Variants in WDR43 observed in about 807,000 individuals in gnomAD.
The protein encoded by WDR43 is WD repeat-containing protein 43.
Under a neutral mutation model 91.4 loss-of-function variants are expected in WDR43, and 13 were observed. The observed-to-expected ratio is 0.14, with a 90% CI of 0.09 to 0.23. The LOEUF (loss-of-function observed/expected upper bound fraction) is 0.23. Ranked by LOEUF, WDR43 falls within the 10% of genes least tolerant of loss-of-function variation. WDR43 has a pLI of 1.00. For missense variants in WDR43, 780 were observed against 809.4 expected (o/e 0.96, Z 0.44); for synonymous variants, 331 against 287.9 (o/e 1.15, Z -1.51).
At chr2:28,938,473 A>G (rs1671376594) in intron 14 of WDR43, among the ~76,000 whole-genome samples, 1 of 141,816 alleles carries the variant, frequency 7.1e-6, no homozygotes, top group Non-Finnish European at 1.5e-5. Flanking sequence ...GAAGAGGGAA[A>G]GCAACACCAG....
At chr2:28,934,006 T>G (rs968260593) in intron 11 of WDR43, among the ~76,000 whole-genome samples, 1 of 152,188 alleles carries the variant, frequency 6.6e-6, no homozygotes, top group Non-Finnish European at 1.5e-5. Flanking sequence ...ATAACACACA[T>G]ACGTTCATAC....
At chr2:28,922,735 A>T (rs1671056588) in intron 6 of WDR43, among the ~76,000 whole-genome samples, 184 bp from the exon 7 acceptor site, 1 of 151,270 alleles carries the variant, frequency 6.6e-6, no homozygotes, top group African/African-American at 2.4e-5. Context: ...TAGAATCTTG[A>T]CAACACCACC....
At chr2:28,917,337 A>T (rs185267861) in intron 5 of WDR43, among the ~76,000 whole-genome samples, 98 of 152,312 alleles carry the variant, frequency 6.4e-4, no homozygotes, top group African/African-American at 2.3e-3. Context: ...AATCAACTGC[A>T]TATGTGTGTA....
Position 28,924,997 on chromosome 2 carries a change from T to G in WDR43, c.930T>G (p.Pro310=), listed in dbSNP as rs762739625. The G allele has an allele frequency of 1.2e-6, 2 of 1,610,312 alleles. No individual in the cohort carries two copies. The highest frequency in any genetic ancestry group is 2.7e-5 in the African/African-American group (2 of 74,658). The change falls in exon 8 of 18, where the codon CCT becomes CCG. Residue 310 remains proline (P), a synonymous_variant. Transcript: ENST00000407426. Reference sequence around the variant, plus strand: ...CCATTTCCAGGTACTGCAAAAAGCCTTTGACTTCAAACTGCACAATTCAGA... The same window carrying G: ...CCATTTCCAGGTACTGCAAAAAGCCGTTGACTTCAAACTGCACAATTCAGA... ...EHILNGYCKK[P]LTSNCTIQIA...
chr2:28,900,719 C>T (rs114302776), intron 1 of WDR43, among the ~76,000 whole-genome samples: 153 of 152,308 alleles, frequency 1.0e-3, no homozygotes, highest in Non-Finnish European at 1.7e-3. Flanking sequence ...ATGAGACCAT[C>T]AGACTTTGTA....
rs1572596988 is a variant in WDR43, at chr2:28,927,861, T to A, written c.1305+161T>A. 7 of 1,044,032 alleles carry A rather than the reference T, an allele frequency of 6.7e-6. No individual in the cohort carries two copies. In the East Asian group the frequency reaches 1.9e-4, roughly 29 times the overall value. 64.7% of individuals were successfully genotyped at this position (1,044,032 alleles called of 1,614,324 possible). A position where few individuals can be genotyped will look rare whatever the true frequency, so the allele number is the denominator to read the frequency against. On this transcript the variant is annotated intron_variant, in intron 10 of 17. Transcript: ENST00000407426. ...TCTTCACCATCATAGATTTCATAAT[T>A]CTAGATTGTCATCTTTGTTTAACAG... is the stretch of plus-strand genomic sequence containing the variant.
Position 28,907,468 on chromosome 2 carries a change from A to AAG in WDR43, c.485+887_485+888insAG, listed in dbSNP as rs34947681. On this transcript the variant is annotated intron_variant, in intron 3 of 17. Transcript: ENST00000407426. Reference sequence around the variant, plus strand: ...TTACAAAAAAAAAAAAAAAAAAAAAATTGGGTGTGGTGGCATGCATGGCCT... The same window carrying AAG: ...TTACAAAAAAAAAAAAAAAAAAAAAAAGTTGGGTGTGGTGGCATGCATGGCCT... Among the ~76,000 whole-genome samples, 874 of 120,258 alleles carry AAG rather than the reference A, an allele frequency of 7.3e-3. 74 individuals carry two copies. The highest frequency in any genetic ancestry group is 0.023 in the East Asian group (97 of 4,186). The allele number at this position is 120,258 out of a possible 152,430, so 78.9% of individuals were successfully genotyped here. A position where few individuals can be genotyped will look rare whatever the true frequency, so the allele number is the denominator to read the frequency against.
At chr2:28,901,133 A>AAG (rs1289872591) in intron 1 of WDR43, among the ~76,000 whole-genome samples, 1 of 152,246 alleles carries the variant, frequency 6.6e-6, no homozygotes, top group East Asian at 1.9e-4. Flanking sequence ...TTTACAGTGA[A>AAG]AGAATGGATT....
At chr2:28,939,879 G>A (rs1253384017) in intron 14 of WDR43, among the ~76,000 whole-genome samples, 1 of 152,050 alleles carries the variant, frequency 6.6e-6, no homozygotes, top group Non-Finnish European at 1.5e-5. Flanking sequence ...AGGCTGAGGC[G>A]GGTGGATCAT....
At chr2:28,902,187 TAAA>T (rs370426248) in intron 2 of WDR43, 63 bp downstream of exon 2, 4 of 1,343,976 alleles carry the variant, frequency 3.0e-6, no homozygotes, top group Non-Finnish European at 4.0e-6. Context: ...TAGAGATTAT[TAAA>T]AAAAAAACAC....
chr2:28,929,491 T>TA, intron 10 of WDR43, 88 bp from the exon 11 acceptor site: 1 of 1,162,606 alleles, frequency 8.6e-7, no homozygotes, highest in Non-Finnish European at 1.1e-6. Context: ...TGTAAATCTA[T>TA]TTTATTTTAT....
chr2:28,908,265 A>G (rs1162884142), intron 3 of WDR43, among the ~76,000 whole-genome samples: 1 of 152,202 alleles, frequency 6.6e-6, no homozygotes, highest in Non-Finnish European at 1.5e-5. Flanking sequence ...CTTTGAAATA[A>G]CATTATGTGA....
At chr2:28,913,501 A>T (rs1670848355) in intron 4 of WDR43, among the ~76,000 whole-genome samples, 2 of 152,216 alleles carry the variant, frequency 1.3e-5, no homozygotes, top group African/African-American at 2.4e-5. Context: ...AGCTCAAAAA[A>T]GATTTTCTTA....
chr2:28,917,844 A>G (rs1572590214), intron 5 of WDR43, 49 bp from the exon 6 acceptor site: 2 of 1,521,548 alleles, frequency 1.3e-6, no homozygotes, highest in East Asian at 2.4e-5. Flanking sequence ...CTTTTTAGGA[A>G]GAAAATTAAA....
chr2:28,909,819 A>T (rs1243615641), intron 3 of WDR43, among the ~76,000 whole-genome samples: 1 of 152,208 alleles, frequency 6.6e-6, no homozygotes, highest in Non-Finnish European at 1.5e-5. Context: ...GGCTGCAGCA[A>T]GCTGTTACCT....
In WDR43 at chr2:28,927,551, G is replaced by T. The variant is rs150212206; in HGVS notation, c.1174-18G>T. 1,920 of 1,612,182 alleles carry T rather than the reference G, an allele frequency of 1.2e-3. 16 individuals carry two copies. In the African/African-American group the frequency reaches 0.021, roughly 17 times the overall value. ...GTATGATTTCCTTTTTCACACTTTG[G>T]CTATTCCTGTTGAACAGGTGAGGAC... On this transcript the variant is annotated intron_variant, in intron 9 of 17. Coordinates refer to ENST00000407426, the MANE Select transcript of WDR43 (RefSeq NM_015131.3).
At chr2:28,923,600 A>G (rs1412817032) in intron 7 of WDR43, among the ~76,000 whole-genome samples, 1 of 152,184 alleles carries the variant, frequency 6.6e-6, no homozygotes, top group East Asian at 1.9e-4. Context: ...CTTTTAAGAT[A>G]CCAGTATAGG....
chr2:28,937,530 TAATGTTA>T (rs1209308532), intron 13 of WDR43, among the ~76,000 whole-genome samples: 1 of 151,742 alleles, frequency 6.6e-6, no homozygotes, highest in Admixed American at 6.5e-5. Context: ...ATTTGCCTTT[TAATGTTA>T]ATGGAGGACT....
chr2:28,936,238 G>A (rs1295199493), intron 12 of WDR43, among the ~76,000 whole-genome samples: 4 of 151,526 alleles, frequency 2.6e-5, no homozygotes, highest in African/African-American at 9.7e-5. Context: ...TGCCCTACAA[G>A]AGTGGGTATA....
Sources: allele counts gnomAD v4.1 joint callset (sites outside exome capture counted in the v4.1 genomes callset), GRCh38; gene constraint gnomAD v4.1.1; transcripts MANE v1.5; gene names NCBI Gene and HGNC (gene_info 2026-07-23, HGNC 2026-07-21).